The following ADORA2B variants were observed in gnomAD, a reference collection of about 807,000 sequenced individuals.
ADORA2B encodes the protein adenosine A2b receptor, also known as adenosine receptor A2b.
A neutral mutation model predicts 20.8 loss-of-function variants in ADORA2B; 18 were observed. That is an observed-to-expected ratio of 0.87 (90% CI 0.60 to 1.29). The LOEUF (loss-of-function observed/expected upper bound fraction) is 1.29. Among genes scored for constraint, ADORA2B ranks in the 50% most tolerant of loss-of-function variants. The pLI is 0.00. For synonymous variants in ADORA2B, 179 were observed against 178.3 expected, an observed-to-expected ratio of 1.00 and a Z score of -0.03; for missense variants, 441 against 422.7, an observed-to-expected ratio of 1.04 and a Z score of -0.38.
chr17:15,881,927 A>G, the ADORA2B span, among the ~76,000 whole-genome samples: 1 of 152,144 alleles, frequency 6.6e-6, no homozygotes, highest in East Asian at 1.9e-4. Flanking sequence ...TAGACCCATA[A>G]TCCTGGCCTG....
chr17:15,869,101 C>T, the ADORA2B span, among the ~76,000 whole-genome samples: 1 of 150,600 alleles, frequency 6.6e-6, no homozygotes, highest in African/African-American at 2.4e-5. Context: ...GGGTGGATCC[C>T]CTCAGGTCAG....
the ADORA2B span, among the ~76,000 whole-genome samples, chr17:15,937,486 T>G: frequency 1.3e-5 from 2 of 152,198 alleles, no homozygotes; most frequent in Non-Finnish European, 2.9e-5. Flanking sequence ...AGGTGACAGA[T>G]TATGGCATTT....
chr17:15,858,068 G>T, the ADORA2B span, among the ~76,000 whole-genome samples: 1 of 148,986 alleles, frequency 6.7e-6, no homozygotes, highest in African/African-American at 2.4e-5. Context: ...CAATGATCAT[G>T]AGAGTGCAAA....
At chr17:15,923,330 G>A in the ADORA2B span, among the ~76,000 whole-genome samples, 373 of 149,664 alleles carry the variant, frequency 2.5e-3, 2 homozygotes, top group African/African-American at 8.8e-3. Context: ...GATTACAGGC[G>A]TGAGCCACCA....
At chr17:15,934,803 T>A in the ADORA2B span, among the ~76,000 whole-genome samples, 564 of 152,238 alleles carry the variant, frequency 3.7e-3, 4 homozygotes, top group Middle Eastern at 0.027. Flanking sequence ...TTAATTAATT[T>A]ATTTATTTAT....
the ADORA2B span, among the ~76,000 whole-genome samples, chr17:15,906,776 A>G: frequency 1.3e-5 from 2 of 152,220 alleles, no homozygotes; most frequent in Non-Finnish European, 2.9e-5. Flanking sequence ...AATGTCATGC[A>G]TTATAAGATT....
chr17:15,932,518 T>G, the ADORA2B span, among the ~76,000 whole-genome samples: 7 of 151,738 alleles, frequency 4.6e-5, no homozygotes, highest in Admixed American at 2.0e-4. Context: ...AGAAAGAAAT[T>G]GTTGCCCAAG....
the ADORA2B span, among the ~76,000 whole-genome samples, chr17:15,928,902 A>G: frequency 6.6e-6 from 1 of 151,992 alleles, no homozygotes; most frequent in African/African-American, 2.4e-5. Flanking sequence ...GCAGGGCTCG[A>G]GGGTGATGTA....
At chr17:15,923,461 G>C in the ADORA2B span, among the ~76,000 whole-genome samples, 9 of 151,004 alleles carry the variant, frequency 6.0e-5, no homozygotes, top group Non-Finnish European at 1.3e-4. Flanking sequence ...CTGGAGTGCA[G>C]TGGCGCGATC....
At chr17:15,885,141 TG>T in the ADORA2B span, among the ~76,000 whole-genome samples, 1 of 152,246 alleles carries the variant, frequency 6.6e-6, no homozygotes, top group East Asian at 1.9e-4. Flanking sequence ...TATCTCATTT[TG>T]GTTTTTATTT....
chr17:15,887,039 G>A, the ADORA2B span, among the ~76,000 whole-genome samples: 83 of 130,712 alleles, frequency 6.3e-4, 23 homozygotes, highest in African/African-American at 2.6e-3. Flanking sequence ...GAAATGCTGC[G>A]GGTGGGGCCT....
the ADORA2B span, among the ~76,000 whole-genome samples, chr17:15,869,432 A>G: frequency 2.0e-5 from 3 of 152,198 alleles, no homozygotes; most frequent in East Asian, 5.8e-4. Context: ...AGGATTCACA[A>G]GTATTTATTT....
chr17:15,952,873 T>C (rs1227137575), intron 1 of ADORA2B, among the ~76,000 whole-genome samples: 2 of 152,216 alleles, frequency 1.3e-5, no homozygotes, highest in African/African-American at 4.8e-5. Context: ...TCTCCTAAAT[T>C]ATTAACTCGA....
At chr17:15,953,412 C>T (rs1969930276) in intron 1 of ADORA2B, among the ~76,000 whole-genome samples, 1 of 152,240 alleles carries the variant, frequency 6.6e-6, no homozygotes, top group Admixed American at 6.5e-5. Context: ...GAGACCCCCA[C>T]CAGTCCCTCT....
the ADORA2B span, among the ~76,000 whole-genome samples, chr17:15,935,177 C>G: frequency 6.6e-6 from 1 of 152,140 alleles, no homozygotes; most frequent in Non-Finnish European, 1.5e-5. Context: ...TTTATTTCTT[C>G]ATGCATATTG....
chr17:15,874,736 C>T, the ADORA2B span, among the ~76,000 whole-genome samples: 3 of 151,782 alleles, frequency 2.0e-5, no homozygotes, highest in African/African-American at 7.3e-5. Context: ...CTTATCGTGC[C>T]TTTTTATGCT....
the ADORA2B span, among the ~76,000 whole-genome samples, chr17:15,914,505 G>GT: frequency 6.6e-6 from 1 of 152,080 alleles, no homozygotes; most frequent in East Asian, 1.9e-4. Context: ...GTGCCCAGCT[G>GT]TTAAAAAAAA....
the ADORA2B span, among the ~76,000 whole-genome samples, chr17:15,916,206 A>G: frequency 1.3e-5 from 2 of 151,482 alleles, no homozygotes; most frequent in Admixed American, 6.5e-5. Flanking sequence ...GCAGGCTGTT[A>G]TGTGTCCTGG....
At chr17:15,932,703 A>G in the ADORA2B span, among the ~76,000 whole-genome samples, 1 of 152,142 alleles carries the variant, frequency 6.6e-6, no homozygotes, top group African/African-American at 2.4e-5. Flanking sequence ...TAAAAAGGCT[A>G]TTCTTTCTCC....
Sources: allele counts gnomAD v4.1 joint callset (sites outside exome capture counted in the v4.1 genomes callset), GRCh38; gene constraint gnomAD v4.1.1; transcripts MANE v1.5; gene names NCBI Gene and HGNC (gene_info 2026-07-23, HGNC 2026-07-21).